The following AKR1C2 variants were observed in gnomAD, a reference collection of about 807,000 sequenced individuals.
AKR1C2 encodes the protein aldo-keto reductase family 1 member C2.
Under a neutral mutation model 39.8 loss-of-function variants are expected in AKR1C2, and 27 were observed. That is an observed-to-expected ratio of 0.68 (90% CI 0.50 to 0.93). The LOEUF (loss-of-function observed/expected upper bound fraction) is 0.93. Ranked by LOEUF, AKR1C2 falls within the 40% of genes least tolerant of loss-of-function variation. AKR1C2 has a pLI of 0.00. For missense variants in AKR1C2, 263 were observed against 365.1 expected (o/e 0.72, Z 2.28); for synonymous variants, 114 against 137.9 (o/e 0.83, Z 1.22).
rs1264415599 is a variant in AKR1C2 at position 5,003,777 on chromosome 10, C to G, written c.59G>C (p.Gly20Ala). 8.7e-6 allele frequency: 14 copies of G among 1,613,908 alleles called. No homozygotes were observed. Among genetic ancestry groups the G allele is most frequent in the Non-Finnish European group, 1.0e-5 (12 of 1,179,982 alleles). Residue 20 changes from glycine to alanine, a missense_variant, in exon 1 of 9, where the codon GGA (glycine) becomes GCA (alanine). By Grantham distance (60) the Gly-to-Ala change is moderately conservative. Around this residue, in one of 3 missense-constraint regions of AKR1C2, gnomAD observed 247 missense variants for 267.9 expected, o/e 0.92. Transcript: ENST00000380753. Reference sequence around the variant, plus strand: ...CTCTGCAGGCGCATAGGTGCCAAATCCCAGGACAGGCATGAAGTGACCATC... The same window carrying G: ...CTCTGCAGGCGCATAGGTGCCAAATGCCAGGACAGGCATGAAGTGACCATC... Reference protein sequence around the residue: ...LNDGHFMPVLGFGTYAPAEVP... With the variant: ...LNDGHFMPVLAFGTYAPAEVP...
chr10:4,991,611 G>A (rs1554772261), intron 8 of AKR1C2, among the ~76,000 whole-genome samples: 1 of 151,012 alleles, frequency 6.6e-6, no homozygotes, highest in African/African-American at 2.4e-5. Flanking sequence ...TTGGAGTCAC[G>A]AGAGCAGAGG....
chr10:5,003,311 C>T (rs1554774048), intron 1 of AKR1C2, among the ~76,000 whole-genome samples: 2 of 145,412 alleles, frequency 1.4e-5, no homozygotes, highest in Non-Finnish European at 3.0e-5. Flanking sequence ...TCTAGTATTA[C>T]AGTGTGGTGC....
intron 7 of AKR1C2, among the ~76,000 whole-genome samples, chr10:4,993,640 A>G (rs1554772494): frequency 6.6e-6 from 1 of 152,122 alleles, no homozygotes; most frequent in Non-Finnish European, 1.5e-5. Context: ...TGAAGGATAG[A>G]AACTTTTGTT....
upstream of AKR1C2, among the ~76,000 whole-genome samples, chr10:5,007,946 C>A (rs1554774572): frequency 6.7e-6 from 1 of 150,176 alleles, no homozygotes; most frequent in African/African-American, 2.5e-5. Context: ...GCTGCAAAAT[C>A]AACTTCCTTG....
rs537346486 is a variant in AKR1C2 at position 4,993,111 on chromosome 10, T to C, written c.847-1198A>G. On this transcript the variant is annotated intron_variant, in intron 7 of 8. Coordinates refer to ENST00000380753, the MANE Select transcript of AKR1C2 (RefSeq NM_001393392.1). ...CTCTCTGCATTGATCTGCAGGCTTA[T>C]TACAATGTCAATGAGAGACTAAAAC... 1.2e-4 allele frequency among the ~76,000 whole-genome samples: 18 copies of C among 152,316 alleles called. No homozygotes were observed. The South Asian group carries it at 3.7e-3, about 32-fold the overall frequency.
At chr10:4,998,495 AG>A in intron 5 of AKR1C2, 129 bp downstream of exon 5, 1 of 1,513,286 alleles carries the variant, frequency 6.6e-7, no homozygotes, top group Non-Finnish European at 8.8e-7. Context: ...ATGCCCTTCT[AG>A]GAAGAGGCTT....
At chr10:4,990,176 C>A (rs1274194582) in intron 8 of AKR1C2, 138 bp from the exon 9 acceptor site, 4 of 893,960 alleles carry the variant, frequency 4.5e-6, no homozygotes, top group Non-Finnish European at 6.8e-6. Flanking sequence ...ATCTGTGTTT[C>A]TTTGTTTAAT....
Position 5,001,516 on chromosome 10 carries a change from T to C in AKR1C2, c.250A>G (p.Lys84Glu), listed in dbSNP as rs1554773812. The C allele has an allele frequency of 9.9e-6, 16 of 1,613,482 alleles. No homozygotes were observed. Among genetic ancestry groups the C allele is most frequent in the Non-Finnish European group, 1.3e-5 (15 of 1,179,714 alleles). ...VKREDIFYTS[K>E]LWSNSHRPEL... ...CAAGCTCATCATAGGCACAGTACCT[T>C]TGAAGTGTAGAATATGTCTTCTCTC... The change falls in exon 2 of 9, where the codon AAG (lysine) becomes GAG (glutamate). Residue 84 changes from lysine to glutamate, a missense_variant and splice_region_variant. Physicochemically the swap from Lys to Glu is moderately conservative, Grantham distance 56 (BLOSUM62 1). Around this residue, in one of 3 missense-constraint regions of AKR1C2, gnomAD observed 247 missense variants for 267.9 expected, o/e 0.92. Coordinates refer to ENST00000380753, the MANE Select transcript of AKR1C2 (RefSeq NM_001393392.1).
At chr10:5,003,460 A>T (rs558143552) in intron 1 of AKR1C2, among the ~76,000 whole-genome samples, 2 of 151,526 alleles carry the variant, frequency 1.3e-5, no homozygotes, top group Non-Finnish European at 1.5e-5. Flanking sequence ...ACAAAGAAAC[A>T]GAGAAACCAC....
At chr10:5,000,224 T>G (rs1554773680) in intron 3 of AKR1C2, 1 of 1,436,090 alleles carries the variant, frequency 7.0e-7, no homozygotes, top group Non-Finnish European at 9.1e-7. Context: ...TGAAACTCTG[T>G]GTCTGTGAAC....
At chr10:4,990,552 C>T (rs782512976) in intron 8 of AKR1C2, among the ~76,000 whole-genome samples, 5 of 152,162 alleles carry the variant, frequency 3.3e-5, no homozygotes, top group Middle Eastern at 3.4e-3. Context: ...AGATTAGAAA[C>T]GTAAATTATT....
rs574887303 is a variant in AKR1C2, at chr10:4,992,675, G to A, written c.847-762C>T. ...TATTAAAATTATCAGTAATTGCCGG[G>A]CACGTTGGCTCACGCCTATAATCCT... is the stretch of plus-strand genomic sequence containing the variant. On this transcript the variant is annotated intron_variant, in intron 7 of 8. Coordinates refer to ENST00000380753, the MANE Select transcript of AKR1C2 (RefSeq NM_001393392.1). 2.7e-5 allele frequency among the ~76,000 whole-genome samples: 4 copies of A among 147,576 alleles called. No individual in the cohort carries two copies. The South Asian group carries it at 8.3e-4, about 31-fold the overall frequency.
Position 5,003,642 on chromosome 10 carries a change from T to G in AKR1C2, c.84+110A>C, listed in dbSNP as rs61856084. On this transcript the variant is annotated intron_variant, in intron 1 of 8. Coordinates refer to ENST00000380753, the MANE Select transcript of AKR1C2 (RefSeq NM_001393392.1). ...CGGCATTGCAGAACAAAGACTGACG[T>G]TTAAAGGGGAGTCATGCAGAGTAAC... 0.08 allele frequency: 92,635 copies of G among 1,164,448 alleles called. 3,625 individuals are homozygous for G. Among genetic ancestry groups the G allele is most frequent in the Middle Eastern group, 0.11 (552 of 5,022 alleles). The allele number at this position is 1,164,448 out of a possible 1,614,324, so 72.1% of individuals were successfully genotyped here.
At chr10:5,004,599 C>G (rs1837359952), upstream of AKR1C2, 2 of 152,052 alleles carry the variant, frequency 1.3e-5, no homozygotes, top group South Asian at 2.1e-4. Flanking sequence ...AAGTTACTAC[C>G]AAAAAGTAAC....
Position 4,989,133 on chromosome 10 carries a change from A to AT in AKR1C2, c.*862dup, listed in dbSNP as rs1296764171. ...CAGTACATTTTTACAATCTAAGAATATTTTCTAAATATGAGCTATTCAGGG... is the reference window on the plus strand; with the variant it reads ...CAGTACATTTTTACAATCTAAGAATATTTTTCTAAATATGAGCTATTCAGGG... On this transcript the variant is annotated 3_prime_UTR_variant, in exon 9 of 9. Transcript: ENST00000380753. 4 of 152,146 alleles carry AT rather than the reference A, an allele frequency of 2.6e-5. No homozygotes were observed. Among genetic ancestry groups the AT allele is most frequent in the African/African-American group, 4.8e-5 (2 of 41,426 alleles). The allele number at this position is 152,146 out of a possible 1,614,324, so 9.4% of individuals were successfully genotyped here. A position where few individuals can be genotyped will look rare whatever the true frequency, so the allele number is the denominator to read the frequency against.
intron 1 of AKR1C2, among the ~76,000 whole-genome samples, chr10:5,011,492 A>G (rs548241122): frequency 6.6e-6 from 1 of 152,248 alleles, no homozygotes; most frequent in Non-Finnish European, 1.5e-5. Context: ...AGATCTAATG[A>G]ATAAGAATCT....
chr10:4,993,224 G>A (rs1836903004), intron 7 of AKR1C2, among the ~76,000 whole-genome samples: 1 of 152,116 alleles, frequency 6.6e-6, no homozygotes, highest in South Asian at 2.1e-4. Flanking sequence ...TTAAATAAAT[G>A]AAGAAGTTAG....
At chr10:4,990,092 C>G (rs12774733) in intron 8 of AKR1C2, 54 bp from the exon 9 acceptor site, 15 of 1,607,826 alleles carry the variant, frequency 9.3e-6, no homozygotes, top group Non-Finnish European at 8.5e-6. Flanking sequence ...CCGTTACTAG[C>G]CCGTAGCGCA....
chr10:4,992,597 T>C (rs1554772378), intron 7 of AKR1C2, among the ~76,000 whole-genome samples: 1 of 152,188 alleles, frequency 6.6e-6, no homozygotes, highest in African/African-American at 2.4e-5. Context: ...ATTCTTTTAA[T>C]ATTTCTATAT....
Sources: gnomAD v4.1 joint callset for allele counts (sites outside exome capture counted in the v4.1 genomes callset) on GRCh38, gnomAD v4.1.1 for gene constraint, gnomAD v4.1.1 regional missense constraint, MANE v1.5 for transcripts, NCBI Gene and HGNC (gene_info 2026-07-23, HGNC 2026-07-21) for gene names.